Variants in HIF3A observed in about 807,000 individuals in gnomAD.
HIF3A encodes hypoxia inducible factor 3 subunit alpha.
Under a neutral mutation model 67.2 loss-of-function variants are expected in HIF3A, and 41 were observed. The observed-to-expected ratio is 0.61, with a 90% CI of 0.48 to 0.79. The LOEUF is 0.79. Among genes scored for constraint, HIF3A ranks in the 30% least tolerant of loss-of-function variants. HIF3A has a pLI of 0.00. For missense variants in HIF3A, 855 were observed against 898.0 expected, an observed-to-expected ratio of 0.95 and a Z score of 0.61; for synonymous variants, 356 against 374.8, an observed-to-expected ratio of 0.95 and a Z score of 0.58.
intron 14 of HIF3A, among the ~76,000 whole-genome samples, chr19:46,336,805 G>A (rs1267828520): frequency 6.6e-6 from 1 of 152,126 alleles, no homozygotes; most frequent in Admixed American, 6.5e-5. Flanking sequence ...TGGCCAACAT[G>A]GTGAAACCCT....
At chr19:46,332,158 A>C (rs1277043798) in intron 13 of HIF3A, among the ~76,000 whole-genome samples, 1 of 152,190 alleles carries the variant, frequency 6.6e-6, no homozygotes, top group African/African-American at 2.4e-5. Flanking sequence ...GAATAGTTAC[A>C]TCTCACGGGA....
At chr19:46,308,808 C>T (rs552640956) in intron 5 of HIF3A, 33 bp downstream of exon 5, 25 of 1,398,206 alleles carry the variant, frequency 1.8e-5, no homozygotes, top group African/African-American at 4.2e-5. Context: ...AGGGCGGGGA[C>T]GCTGGGGCTG....
chr19:46,299,041 A>AG (rs1968101842), intron 1 of HIF3A, among the ~76,000 whole-genome samples: 1 of 152,172 alleles, frequency 6.6e-6, no homozygotes, highest in Admixed American at 6.5e-5. Context: ...TCCTGGTTGG[A>AG]GGGGGGCACT....
At chr19:46,336,797 G>A (rs1971659453) in intron 14 of HIF3A, among the ~76,000 whole-genome samples, 1 of 152,110 alleles carries the variant, frequency 6.6e-6, no homozygotes, top group Non-Finnish European at 1.5e-5. Context: ...GACCAGCCTG[G>A]CCAACATGGT....
chr19:46,312,107 C>T (rs1231712603), intron 6 of HIF3A, 54 bp from the exon 7 acceptor site: 2 of 1,303,166 alleles, frequency 1.5e-6, no homozygotes, highest in East Asian at 2.3e-5. Context: ...CTCTGCCTAC[C>T]CTCTCTCTCA....
At chr19:46,332,401 G>A (rs938984282) in intron 13 of HIF3A, among the ~76,000 whole-genome samples, 5 of 152,072 alleles carry the variant, frequency 3.3e-5, no homozygotes, top group Admixed American at 2.0e-4. Context: ...TTAAGCGGGT[G>A]TGGTGGCATG....
chr19:46,322,083 G>A, intron 10 of HIF3A, 117 bp downstream of exon 10: 2 of 1,035,156 alleles, frequency 1.9e-6, no homozygotes, highest in Non-Finnish European at 1.4e-6. Context: ...TCTGTGTAGT[G>A]GGGAGGTTGG....
At chr19:46,325,133 A>G (rs542001242) in intron 10 of HIF3A, among the ~76,000 whole-genome samples, 24 of 151,058 alleles carry the variant, frequency 1.6e-4, no homozygotes, top group African/African-American at 5.8e-4. Flanking sequence ...AGTAGCTAGG[A>G]CCACAGATGT....
chr19:46,301,821 C>CA (rs747426029), intron 1 of HIF3A, among the ~76,000 whole-genome samples: 7,015 of 82,474 alleles, frequency 0.085, 544 homozygotes, highest in African/African-American at 0.26. Flanking sequence ...AACTCCGTCT[C>CA]AAAAAAAAAA....
intron 14 of HIF3A, among the ~76,000 whole-genome samples, chr19:46,336,958 G>T (rs1971671464): frequency 6.6e-6 from 1 of 152,156 alleles, no homozygotes; most frequent in Non-Finnish European, 1.5e-5. Flanking sequence ...TTGTACTGCA[G>T]CCTGGGCAAC....
At chr19:46,317,173 G>A (rs937934488) in intron 8 of HIF3A, among the ~76,000 whole-genome samples, 4 of 151,576 alleles carry the variant, frequency 2.6e-5, no homozygotes, top group South Asian at 2.1e-4. Context: ...CACCCGCCTC[G>A]GCTTCCCAAA....
chr19:46,307,596 A>T (rs971936861), intron 3 of HIF3A, among the ~76,000 whole-genome samples: 1 of 152,012 alleles, frequency 6.6e-6, no homozygotes, highest in Non-Finnish European at 1.5e-5. Flanking sequence ...AAAAATACAA[A>T]AATTAGCCGG....
chr19:46,322,462 T>C (rs747723513), intron 10 of HIF3A, among the ~76,000 whole-genome samples: 8 of 152,072 alleles, frequency 5.3e-5, no homozygotes, highest in Non-Finnish European at 8.8e-5. Flanking sequence ...ATTTTCGAGA[T>C]GGAGTCTCAC....
rs183321976 is a variant in HIF3A, at chr19:46,336,499, C to T, written c.1912+1513C>T. 2.6e-5 allele frequency among the ~76,000 whole-genome samples: 4 copies of T among 152,238 alleles called. No homozygotes were observed. In the East Asian group the frequency reaches 5.8e-4, roughly 22 times the overall value. On this transcript the variant is annotated intron_variant, in intron 14 of 14. Coordinates refer to ENST00000377670, the MANE Select transcript of HIF3A (RefSeq NM_152795.4). ...CCTCCCACCTCAGCCTCCCAAGTAG[C>T]TGGGACTGCAGGTGGGCACCAGCAC...
rs1217536643 is a variant in HIF3A at position 46,307,954 on chromosome 19, A to ATAGG, written c.364-263_364-260dup. Among the ~76,000 whole-genome samples, 9 of 148,966 alleles carry ATAGG rather than the reference A, an allele frequency of 6.0e-5. No homozygotes were observed. The East Asian group carries it at 1.8e-3, about 30-fold the overall frequency. On this transcript the variant is annotated intron_variant, in intron 3 of 14. Coordinates refer to ENST00000377670, the MANE Select transcript of HIF3A (RefSeq NM_152795.4). ...TCTCAAAAAATAGATAGATAGACAGATAGGTAGACAGACAGACAGACAGAC... is the reference window on the plus strand; with the variant it reads ...TCTCAAAAAATAGATAGATAGACAGATAGGTAGGTAGACAGACAGACAGACAGAC...
chr19:46,311,041 G>A (rs1287424770), intron 6 of HIF3A, among the ~76,000 whole-genome samples: 5 of 151,878 alleles, frequency 3.3e-5, no homozygotes, highest in Admixed American at 6.6e-5. Context: ...GTGAGCCACC[G>A]CACCCGGCCT....
In HIF3A at chr19:46,340,900, C is replaced by T. The variant is rs1971912003; in HGVS notation, c.*1278C>T. 1 of 152,244 alleles carries T rather than the reference C, an allele frequency of 6.6e-6. No homozygotes were observed. Among genetic ancestry groups the T allele is most frequent in the Non-Finnish European group, 1.5e-5 (1 of 68,092 alleles). 9.4% of individuals were successfully genotyped at this position (152,244 alleles called of 1,614,324 possible). ...GCCTCTCATTCTGCCTGTTTTCAAA[C>T]CTTACGATCCCCAAAAATTGTCTGG... On this transcript the variant is annotated 3_prime_UTR_variant, in exon 15 of 15. Coordinates refer to ENST00000377670, the MANE Select transcript of HIF3A (RefSeq NM_152795.4).
chr19:46,319,577 A>G (rs965179995), intron 8 of HIF3A, among the ~76,000 whole-genome samples: 2 of 152,222 alleles, frequency 1.3e-5, no homozygotes. Flanking sequence ...CAGCATAAAT[A>G]AAATCTTATT....
chr19:46,329,661 A>G (rs1971045754), intron 12 of HIF3A, among the ~76,000 whole-genome samples, 183 bp downstream of exon 12: 1 of 151,732 alleles, frequency 6.6e-6, no homozygotes, highest in Non-Finnish European at 1.5e-5. Context: ...TAGGCTGTAC[A>G]CCCCTTCTGG....
Sources: allele counts gnomAD v4.1 joint callset (sites outside exome capture counted in the v4.1 genomes callset), GRCh38; gene constraint gnomAD v4.1.1; transcripts MANE v1.5; gene names NCBI Gene and HGNC (gene_info 2026-07-23, HGNC 2026-07-21).